EYS: variants seen among roughly 807,000 people sequenced by gnomAD.
EYS encodes EGF-like photoreceptor maintenance factor, also known as protein eyes shut homolog.
EYS carries 250 observed loss-of-function variants against 282.1 expected under a neutral mutation model. That is an observed-to-expected ratio of 0.89 (90% confidence interval 0.80 to 0.98). The LOEUF (loss-of-function observed/expected upper bound fraction) is 0.98, where lower values mean the gene tolerates loss of function less well. EYS is among the 50% of genes least tolerant of loss of function. EYS has a pLI of 0.00. For missense variants in EYS, 4,016 were observed against 3,709.0 expected, an observed-to-expected ratio of 1.08 and a Z score of -2.15; for synonymous variants, 1,355 against 1,282.9, an observed-to-expected ratio of 1.06 and a Z score of -1.20.
chr6:65,505,831 T>A (rs1219535942), intron 2 of EYS, among the ~76,000 whole-genome samples: 1 of 152,118 alleles, frequency 6.6e-6, no homozygotes, highest in African/African-American at 2.4e-5. Flanking sequence ...TCTTGCTAAA[T>A]GTTCTACACA....
At chr6:64,879,299 C>A (rs1250119870) in intron 19 of EYS, among the ~76,000 whole-genome samples, 2 of 152,090 alleles carry the variant, frequency 1.3e-5, no homozygotes, top group Admixed American at 1.3e-4. Context: ...TCAAAATCAC[C>A]AGTCAGGCAT....
At chr6:65,143,320 C>A (rs1764395962) in intron 12 of EYS, among the ~76,000 whole-genome samples, 1 of 150,998 alleles carries the variant, frequency 6.6e-6, no homozygotes, top group African/African-American at 2.4e-5. Flanking sequence ...AAATTCTATA[C>A]CAAACAAATC....
At chr6:65,166,557 A>G (rs1764976539) in intron 12 of EYS, among the ~76,000 whole-genome samples, 1 of 151,192 alleles carries the variant, frequency 6.6e-6, no homozygotes, top group South Asian at 2.1e-4. Context: ...CACATTATAC[A>G]AAACAAATTA....
intron 35 of EYS, among the ~76,000 whole-genome samples, chr6:63,956,037 T>C (rs1045152806): frequency 3.3e-5 from 5 of 152,166 alleles, no homozygotes; most frequent in Non-Finnish European, 5.9e-5. Flanking sequence ...CCACCCCTAA[T>C]CCAGCTCGAA....
intron 7 of EYS, among the ~76,000 whole-genome samples, chr6:65,389,506 G>T (rs1485767306): frequency 1.3e-5 from 2 of 152,106 alleles, no homozygotes; most frequent in African/African-American, 4.8e-5. Context: ...CCTGAATGAA[G>T]GTTCAAAACA....
chr6:65,038,770 T>C (rs1160942300), intron 13 of EYS, among the ~76,000 whole-genome samples: 1 of 151,446 alleles, frequency 6.6e-6, no homozygotes, highest in African/African-American at 2.4e-5. Flanking sequence ...CTTTAGTCTC[T>C]GGAGGAGTAT....
At position 65,588,450 on chromosome 6, in the gene EYS, T is replaced by A. The variant is rs560954235; in HGVS notation, c.-333+51328A>T. 1.2e-3 allele frequency among the ~76,000 whole-genome samples: 183 copies of A among 152,026 alleles called. 1 individual carries two copies. The highest frequency in any genetic ancestry group is 1.5e-3 in the Non-Finnish European group (105 of 67,958). ...AAGACTGTGGAGATGGCAGAAGCAGTTTTATGCCTCTGAGGTCTCAGCAAA... is the reference window on the plus strand; with the variant it reads ...AAGACTGTGGAGATGGCAGAAGCAGATTTATGCCTCTGAGGTCTCAGCAAA... On this transcript the variant is annotated intron_variant, in intron 2 of 42. Transcript: ENST00000503581.
chr6:64,321,466 C>A (rs898932421), intron 29 of EYS, among the ~76,000 whole-genome samples: 3 of 151,544 alleles, frequency 2.0e-5, no homozygotes, highest in Non-Finnish European at 4.4e-5. Context: ...TAGCCACAAG[C>A]TAAAAGTCGA....
chr6:65,344,007 A>G, intron 10 of EYS, 31 bp downstream of exon 10: 1 of 1,592,894 alleles, frequency 6.3e-7, no homozygotes. Flanking sequence ...TAAAGAGAAA[A>G]ATGAAAAGCA....
chr6:65,195,141 T>A (rs1268020226), intron 12 of EYS, among the ~76,000 whole-genome samples: 1 of 152,058 alleles, frequency 6.6e-6, no homozygotes, highest in Non-Finnish European at 1.5e-5. Context: ...GGATTTGTGC[T>A]CCTGCTCTAA....
chr6:64,686,365 C>T (rs984480516), intron 22 of EYS, among the ~76,000 whole-genome samples: 6 of 151,018 alleles, frequency 4.0e-5, no homozygotes, highest in African/African-American at 1.5e-4. Context: ...TAAATAAATG[C>T]CTGGAAATAC....
chr6:64,290,996 C>A (rs74378958), intron 30 of EYS, among the ~76,000 whole-genome samples: 151 of 14,596 alleles, frequency 0.01, 1 homozygote, highest in African/African-American at 0.047. Flanking sequence ...GGAGACTGAG[C>A]AAAGTATCAA....
chr6:64,337,465 C>G (rs1770898367), intron 29 of EYS, among the ~76,000 whole-genome samples: 1 of 151,910 alleles, frequency 6.6e-6, no homozygotes, highest in Non-Finnish European at 1.5e-5. Context: ...CAATAAGAAA[C>G]AGTGAGATTG....
chr6:64,003,078 A>G lies in EYS; in HGVS notation c.6726-3895T>C, dbSNP rs138910020. Among the ~76,000 whole-genome samples, 24 of 152,314 alleles carry G rather than the reference A, an allele frequency of 1.6e-4. No individual in the cohort carries two copies. In the East Asian group the frequency reaches 4.4e-3, roughly 28 times the overall value. On this transcript the variant is annotated intron_variant, in intron 33 of 42. Coordinates refer to ENST00000503581, the MANE Select transcript of EYS (RefSeq NM_001142800.2). ...AACCTAAGTGTTCATCAATAGATGA[A>G]TGGATAAAGAAAATGTGGTAGATAT...
At chr6:65,390,829 A>G (rs1199376638) in intron 7 of EYS, among the ~76,000 whole-genome samples, 4 of 152,054 alleles carry the variant, frequency 2.6e-5, no homozygotes, top group Admixed American at 6.6e-5. Flanking sequence ...GACTGACATG[A>G]GCTTGGTTCA....
In EYS at chr6:64,609,456, A is replaced by C. The variant is rs555794899; in HGVS notation, c.3684+7962T>G. ...GGGGGCTACAGTACAGGGTTAGAAG[A>C]TCAGGAGGAAGTGAGGCTAGAGAAG... On this transcript the variant is annotated intron_variant, in intron 24 of 42. Coordinates refer to ENST00000503581, the MANE Select transcript of EYS (RefSeq NM_001142800.2). Among the ~76,000 whole-genome samples, 10 of 152,310 alleles carry C rather than the reference A, an allele frequency of 6.6e-5. No homozygotes were observed. In the East Asian group the frequency reaches 1.9e-3, roughly 29 times the overall value.
chr6:64,234,845 T>A (rs1435734653), intron 30 of EYS, among the ~76,000 whole-genome samples: 1 of 151,612 alleles, frequency 6.6e-6, no homozygotes, highest in African/African-American at 2.4e-5. Context: ...GTTTTCAAGG[T>A]TCACCCATGT....
intron 41 of EYS, among the ~76,000 whole-genome samples, chr6:63,760,166 G>T (rs1050900052): frequency 1.3e-5 from 2 of 151,988 alleles, no homozygotes; most frequent in African/African-American, 4.8e-5. Flanking sequence ...AATCTAACTT[G>T]CTATATGTCA....
chr6:64,073,183 A>G (rs1457786283), intron 32 of EYS, among the ~76,000 whole-genome samples: 1 of 151,894 alleles, frequency 6.6e-6, no homozygotes, highest in Non-Finnish European at 1.5e-5. Context: ...CTATATATTA[A>G]CAGGTTTTAA....
Sources: gnomAD v4.1 joint callset for allele counts (sites outside exome capture counted in the v4.1 genomes callset) on GRCh38, gnomAD v4.1.1 for gene constraint, MANE v1.5 for transcripts, NCBI Gene and HGNC (gene_info 2026-07-23, HGNC 2026-07-21) for gene names.